The following NUB1 variants were observed in gnomAD, a reference collection of about 807,000 sequenced individuals.
The protein encoded by NUB1 is negative regulator of ubiquitin like proteins 1.
A neutral mutation model predicts 77.1 loss-of-function variants in NUB1; 41 were observed. The ratio of observed to expected loss-of-function variants is 0.53; its 90% CI spans 0.41 to 0.69. NUB1 has a LOEUF of 0.69. Among genes scored for constraint, NUB1 ranks in the 30% least tolerant of loss-of-function variants. The pLI, the probability that NUB1 is intolerant of heterozygous loss-of-function variation, is 0.00. For synonymous variants in NUB1, 257 were observed against 281.0 expected, an observed-to-expected ratio of 0.91 and a Z score of 0.85; for missense variants, 643 against 743.8, an observed-to-expected ratio of 0.86 and a Z score of 1.58.
chr7:151,367,242 C>T, intron 9 of NUB1, 117 bp downstream of exon 9: 1 of 745,018 alleles, frequency 1.3e-6, no homozygotes, highest in South Asian at 1.9e-5. Context: ...TAGTAGTATG[C>T]AGTATAGTCT....
intron 13 of NUB1, 94 bp downstream of exon 13, chr7:151,376,037 T>G: frequency 1.2e-6 from 1 of 811,198 alleles, no homozygotes; most frequent in Non-Finnish European, 2.2e-6. Flanking sequence ...ACTGGGGGAG[T>G]CCGTGCTGAA....
At position 151,355,774 on chromosome 7, in the gene NUB1, C is replaced by T. The variant is rs1320944756; in HGVS notation, c.422C>T (p.Thr141Ile). 8 of 1,589,896 alleles carry T rather than the reference C, an allele frequency of 5.0e-6. No individual in the cohort carries two copies. The highest frequency in any genetic ancestry group is 6.8e-6 in the Non-Finnish European group (8 of 1,168,172). ...GCAGTTCTGATTTTTATAGGGAAAA[C>T]CCTTGAAGAACAAGGCGTGGCTCAC... Reference protein sequence around the residue: ...INKKQLQLGKTLEEQGVAHNV... With the variant: ...INKKQLQLGKILEEQGVAHNV... The change falls in exon 6 of 15, where the codon ACC becomes ATC. Residue 141 changes from threonine (T) to isoleucine (I), a missense_variant. Coordinates refer to ENST00000568733, the MANE Select transcript of NUB1 (RefSeq NM_001243351.2).
chr7:151,348,114 T>C (rs1330858148), intron 2 of NUB1, among the ~76,000 whole-genome samples: 1 of 152,226 alleles, frequency 6.6e-6, no homozygotes, highest in African/African-American at 2.4e-5. Context: ...CATCTCCAGA[T>C]GCTGAATTTT....
chr7:151,341,818 C>G lies in NUB1; in HGVS notation c.-31C>G. On this transcript the variant is annotated 5_prime_UTR_variant, in exon 1 of 15. Transcript: ENST00000568733. Reference sequence around the variant, plus strand: ...GCCGCTGCCGCATCCGGGCACTCTGCTGGTCGCGGCGGGAGTGGCGTGGCG... The same window carrying G: ...GCCGCTGCCGCATCCGGGCACTCTGGTGGTCGCGGCGGGAGTGGCGTGGCG... The G allele has an allele frequency of 3.3e-6, 5 of 1,507,924 alleles. No homozygotes were observed. The highest frequency in any genetic ancestry group is 4.4e-6 in the Non-Finnish European group (5 of 1,137,388). 93.4% of individuals were successfully genotyped at this position (1,507,924 alleles called of 1,614,324 possible).
At chr7:151,364,867 T>C (rs436074) in intron 8 of NUB1, among the ~76,000 whole-genome samples, 125,802 of 152,168 alleles carry the variant, frequency 0.83, 52,277 homozygotes, top group East Asian at 0.99. Context: ...TAAATAAATA[T>C]TTTACGTTTA....
intron 10 of NUB1, 42 bp from the exon 11 acceptor site, chr7:151,368,693 T>G: frequency 3.2e-6 from 5 of 1,559,886 alleles, no homozygotes; most frequent in Non-Finnish European, 4.3e-6. Context: ...AAGCTTTAAG[T>G]ATTGCCGTGG....
chr7:151,344,180 C>CA (rs561127147), intron 1 of NUB1, among the ~76,000 whole-genome samples: 1,741 of 45,592 alleles, frequency 0.038, 481 homozygotes, highest in Middle Eastern at 0.074. Flanking sequence ...GACTCCCTCT[C>CA]AAAAAAAAAA....
chr7:151,374,026 C>A, intron 11 of NUB1, 71 bp from the exon 12 acceptor site: 1 of 1,463,570 alleles, frequency 6.8e-7, no homozygotes, highest in Non-Finnish European at 9.1e-7. Flanking sequence ...GAGAATCCTG[C>A]AGAGCGCAGA....
rs573545457 is a variant in NUB1, at chr7:151,344,774, T to C, written c.-2-574T>C. On this transcript the variant is annotated intron_variant, in intron 1 of 14. Transcript: ENST00000568733. ...CCCAGCGTTTTGAGACCAAGGTGGG[T>C]GGATCACTTGAGGTCAGGAATTCGA... Among the ~76,000 whole-genome samples the C allele has an allele frequency of 1.2e-4, 18 of 152,078 alleles. No homozygotes were observed. The East Asian group carries it at 2.7e-3, about 23-fold the overall frequency.
rs1217687022 is a variant in NUB1, at chr7:151,360,092, C to G, written c.694-49C>G. On this transcript the variant is annotated intron_variant, in intron 7 of 14. Transcript: ENST00000568733. ...AGTAATATGCTTTTAATATAATTTG[C>G]CTTATTATATTTTAAAGTGATGTTT... The G allele has an allele frequency of 4.9e-6, 4 of 811,600 alleles. No individual in the cohort carries two copies. In the Admixed American group the frequency reaches 1.0e-4, roughly 21 times the overall value. The allele number at this position is 811,600 out of a possible 1,614,324, so 50.3% of individuals were successfully genotyped here. A position where few individuals can be genotyped will look rare whatever the true frequency, so the allele number is the denominator to read the frequency against.
At chr7:151,365,441 A>G (rs967648458) in intron 8 of NUB1, among the ~76,000 whole-genome samples, 13 of 152,304 alleles carry the variant, frequency 8.5e-5, no homozygotes, top group African/African-American at 3.1e-4. Context: ...GATGCTTAGT[A>G]AAACATGAAC....
chr7:151,370,549 A>T (rs1414672922), intron 11 of NUB1, among the ~76,000 whole-genome samples: 2 of 151,420 alleles, frequency 1.3e-5, no homozygotes, highest in East Asian at 3.8e-4. Context: ...ATTTTATTTT[A>T]TTATTATTAT....
At chr7:151,344,954 C>G (rs866013061) in intron 1 of NUB1, among the ~76,000 whole-genome samples, 7 of 152,022 alleles carry the variant, frequency 4.6e-5, no homozygotes, top group South Asian at 2.1e-4. Context: ...GAGCCGAGAT[C>G]GCACCACTGC....
intron 11 of NUB1, among the ~76,000 whole-genome samples, chr7:151,373,171 C>A (rs1028278865): frequency 6.6e-6 from 1 of 152,150 alleles, no homozygotes; most frequent in African/African-American, 2.4e-5. Context: ...TTTTCTCCCC[C>A]GTCCTCGCTG....
intron 11 of NUB1, 64 bp from the exon 12 acceptor site, chr7:151,374,033 C>T (rs1286062891): frequency 4.7e-6 from 7 of 1,485,612 alleles, no homozygotes; most frequent in South Asian, 1.3e-5. Flanking sequence ...CTGCAGAGCG[C>T]AGACTGAGAG....
intron 13 of NUB1, 199 bp from the exon 14 acceptor site, chr7:151,376,435 A>G: frequency 1.8e-6 from 1 of 569,890 alleles, no homozygotes; most frequent in Non-Finnish European, 3.0e-6. Context: ...TCCCTGACGC[A>G]CCCGACTTGA....
chr7:151,357,082 T>C (rs1466449875), intron 7 of NUB1, among the ~76,000 whole-genome samples: 1 of 152,008 alleles, frequency 6.6e-6, no homozygotes, highest in Non-Finnish European at 1.5e-5. Flanking sequence ...AGTGGCACCA[T>C]CATAGCTCAC....
intron 2 of NUB1, among the ~76,000 whole-genome samples, chr7:151,345,992 A>C (rs1478968721): frequency 6.6e-6 from 1 of 152,210 alleles, no homozygotes; most frequent in Non-Finnish European, 1.5e-5. Context: ...CTAGAAACTG[A>C]AGTCTGCTTG....
intron 14 of NUB1, 108 bp from the exon 15 acceptor site, chr7:151,376,939 T>A (rs1798316961): frequency 7.1e-7 from 1 of 1,400,126 alleles, no homozygotes; most frequent in Non-Finnish European, 9.6e-7. Context: ...GCCGGCCACC[T>A]GGACAGTGTG....
Sources: gnomAD v4.1 joint callset for allele counts (sites outside exome capture counted in the v4.1 genomes callset) on GRCh38, gnomAD v4.1.1 for gene constraint, MANE v1.5 for transcripts, NCBI Gene and HGNC (gene_info 2026-07-23, HGNC 2026-07-21) for gene names.